Variants in SPIDR observed in about 807,000 individuals in gnomAD.
SPIDR encodes DNA repair-scaffolding protein.
Under a neutral mutation model 104.6 loss-of-function variants are expected in SPIDR, and 93 were observed. That is an observed-to-expected ratio of 0.89 (90% CI 0.75 to 1.06). The LOEUF (loss-of-function observed/expected upper bound fraction) is 1.06. Ranked by LOEUF, SPIDR falls within the 50% of genes least tolerant of loss-of-function variation. The pLI is 0.00. For missense variants in SPIDR, 1,154 were observed against 1,111.2 expected, an observed-to-expected ratio of 1.04 and a Z score of -0.55; for synonymous variants, 431 against 416.9, an observed-to-expected ratio of 1.03 and a Z score of -0.41.
chr8:47,537,005 C>T (rs2087032253), intron 8 of SPIDR, among the ~76,000 whole-genome samples: 1 of 152,124 alleles, frequency 6.6e-6, no homozygotes. Flanking sequence ...CAAATTGAAA[C>T]AGCAATGAGA....
At position 47,386,900 on chromosome 8, in the gene SPIDR, GAGAGATATAGATAT is replaced by G. The variant is rs1262498547; in HGVS notation, c.526-9472_526-9459del. Among the ~76,000 whole-genome samples the G allele has an allele frequency of 1.4e-4, 10 of 71,902 alleles. 2 individuals carry two copies. The South Asian group carries it at 2.5e-3, about 18-fold the overall frequency. 47.2% of individuals were successfully genotyped at this position (71,902 alleles called of 152,430 possible). On this transcript the variant is annotated intron_variant, in intron 5 of 19. Transcript: ENST00000297423. The stretch of plus-strand genomic sequence containing the variant: ...GGGGAGAGAGAGAGAGAAAGAGAGA[GAGAGATATAGATAT>G]AGATATAGATATAGATATAGATATA...
intron 5 of SPIDR, among the ~76,000 whole-genome samples, chr8:47,305,362 A>G (rs2042930161): frequency 6.6e-6 from 1 of 152,264 alleles, no homozygotes; most frequent in African/African-American, 2.4e-5. Flanking sequence ...GCTGGCACAG[A>G]TAAGAGATCT....
intron 5 of SPIDR, among the ~76,000 whole-genome samples, chr8:47,347,054 G>A (rs1033277785): frequency 2.6e-4 from 39 of 152,024 alleles, no homozygotes; most frequent in African/African-American, 5.3e-4. Flanking sequence ...TTAGGGTGTC[G>A]ATTTTAGATC....
intron 8 of SPIDR, among the ~76,000 whole-genome samples, chr8:47,491,168 A>G (rs527298012): frequency 1.3e-5 from 2 of 152,302 alleles, no homozygotes; most frequent in Non-Finnish European, 2.9e-5. Flanking sequence ...ACAGTATTAT[A>G]ATCATAAATG....
chr8:47,543,208 ATTG>A (rs2088589132), intron 8 of SPIDR, among the ~76,000 whole-genome samples: 1 of 152,224 alleles, frequency 6.6e-6, no homozygotes, highest in South Asian at 2.1e-4. Flanking sequence ...GCTGAGTCCT[ATTG>A]TTGTTGCATG....
chr8:47,676,368 A>T (rs1326770003), intron 11 of SPIDR, among the ~76,000 whole-genome samples: 3 of 152,214 alleles, frequency 2.0e-5, no homozygotes, highest in Non-Finnish European at 4.4e-5. Flanking sequence ...CATGCAAAAC[A>T]TCCAAATAAA....
chr8:47,568,614 T>A (rs2058165623), intron 8 of SPIDR, among the ~76,000 whole-genome samples: 1 of 152,176 alleles, frequency 6.6e-6, no homozygotes, highest in Non-Finnish European at 1.5e-5. Context: ...GGCAGGCAGC[T>A]GTCAGTCCAC....
intron 10 of SPIDR, among the ~76,000 whole-genome samples, chr8:47,617,624 TATATA>T (rs1218319353): frequency 3.3e-5 from 5 of 152,174 alleles, no homozygotes; most frequent in Non-Finnish European, 7.3e-5. Context: ...AATAGGATAA[TATATA>T]AGAGATGTTG....
intron 8 of SPIDR, among the ~76,000 whole-genome samples, chr8:47,595,384 A>G (rs2061529645): frequency 6.6e-6 from 1 of 152,238 alleles, no homozygotes. Context: ...GTTTGATAGC[A>G]AAGGTAGATG....
At chr8:47,542,998 C>T (rs994642035) in intron 8 of SPIDR, among the ~76,000 whole-genome samples, 3 of 152,092 alleles carry the variant, frequency 2.0e-5, no homozygotes, top group African/African-American at 7.2e-5. Context: ...GAGATTCATC[C>T]CAGTTGTTGC....
upstream of SPIDR, chr8:47,260,909 G>A: frequency 1.7e-6 from 2 of 1,210,504 alleles, no homozygotes; most frequent in Non-Finnish European, 2.1e-6. Flanking sequence ...GCGCCGAGGT[G>A]GGACGGCGGC....
chr8:47,489,532 C>T (rs532500602), intron 8 of SPIDR, among the ~76,000 whole-genome samples: 1 of 152,108 alleles, frequency 6.6e-6, no homozygotes, highest in Admixed American at 6.6e-5. Flanking sequence ...CAAAAAAGAG[C>T]CACATTGCCA....
rs117402983 is a variant in SPIDR, at chr8:47,469,559, G to A, written c.1097+29017G>A. ...CAGCCATAAAAAAAAAAATGAGGTC[G>A]TGATTTTACAGAAACATGAATGGAG... On this transcript the variant is annotated intron_variant, in intron 8 of 19. Coordinates refer to ENST00000297423, the MANE Select transcript of SPIDR (RefSeq NM_001080394.4). 8.8e-3 allele frequency among the ~76,000 whole-genome samples: 1,339 copies of A among 152,070 alleles called. 11 individuals carry two copies. Among genetic ancestry groups the A allele is most frequent in the South Asian group, 0.022 (106 of 4,818 alleles).
intron 1 of SPIDR, among the ~76,000 whole-genome samples, chr8:47,278,019 C>T (rs1174411440): frequency 4.0e-5 from 6 of 151,794 alleles, no homozygotes; most frequent in East Asian, 1.9e-4. Flanking sequence ...ACAACTGCAA[C>T]GTTTTACTTT....
At chr8:47,581,208 T>A (rs1380466848) in intron 8 of SPIDR, among the ~76,000 whole-genome samples, 1 of 152,190 alleles carries the variant, frequency 6.6e-6, no homozygotes, top group Admixed American at 6.5e-5. Context: ...TCCTGGTATA[T>A]GTCTCTCTAT....
At chr8:47,570,702 A>T (rs2058409381) in intron 8 of SPIDR, among the ~76,000 whole-genome samples, 1 of 152,180 alleles carries the variant, frequency 6.6e-6, no homozygotes, top group Non-Finnish European at 1.5e-5. Flanking sequence ...AATTCTTACC[A>T]CTCAGTAATA....
intron 11 of SPIDR, among the ~76,000 whole-genome samples, chr8:47,676,404 T>G (rs1489315087): frequency 6.6e-6 from 1 of 152,228 alleles, no homozygotes; most frequent in Non-Finnish European, 1.5e-5. Context: ...CTTGTTCTTT[T>G]GGAAGCTATA....
chr8:47,553,756 A>G (rs950105292), intron 8 of SPIDR, among the ~76,000 whole-genome samples: 1 of 152,202 alleles, frequency 6.6e-6, no homozygotes, highest in African/African-American at 2.4e-5. Flanking sequence ...TCAGTTTGTC[A>G]AAGTCATTCT....
chr8:47,468,306 T>C (rs1196493716), intron 8 of SPIDR, among the ~76,000 whole-genome samples: 13 of 152,170 alleles, frequency 8.5e-5, no homozygotes, highest in Non-Finnish European at 1.8e-4. Context: ...TCAATACTAT[T>C]CCTATCAAAC....
Sources: gnomAD v4.1 joint callset for allele counts (sites outside exome capture counted in the v4.1 genomes callset) on GRCh38, gnomAD v4.1.1 for gene constraint, MANE v1.5 for transcripts, NCBI Gene and HGNC (gene_info 2026-07-23, HGNC 2026-07-21) for gene names.